Variants in OR2J3 observed in about 807,000 individuals in gnomAD.
The protein encoded by OR2J3 is olfactory receptor family 2 subfamily J member 3.
In OR2J3, 13 loss-of-function variants were observed where a neutral mutation model predicts 18.5. The observed-to-expected ratio is 0.70, with a 90% CI of 0.46 to 1.12. The LOEUF (loss-of-function observed/expected upper bound fraction) is 1.12. OR2J3 is among the 50% of genes most tolerant of loss of function. OR2J3 has a pLI of 0.00. For synonymous variants in OR2J3, 142 were observed against 140.6 expected, an observed-to-expected ratio of 1.01 and a Z score of -0.07; for missense variants, 321 against 371.6, an observed-to-expected ratio of 0.86 and a Z score of 1.12.
rs886149200 is a variant in OR2J3, at chr6:29,113,095, A to G, written c.*269A>G. 2.6e-6 allele frequency: 1 copy of G among 379,078 alleles called. No homozygotes were observed. Among genetic ancestry groups the G allele is most frequent in the Non-Finnish European group, 4.7e-6 (1 of 212,316 alleles). The allele number at this position is 379,078 out of a possible 1,614,324, so 23.5% of individuals were successfully genotyped here. ...TCCATGGTACAAACCTAATGTATCCAAGACAGACATTTCTCGATTGAAAAT... is the reference window on the plus strand; with the variant it reads ...TCCATGGTACAAACCTAATGTATCCGAGACAGACATTTCTCGATTGAAAAT... On this transcript the variant is annotated 3_prime_UTR_variant, in exon 4 of 4. Transcript: ENST00000641151.
In OR2J3 at chr6:29,112,796, G is replaced by A; in HGVS notation, c.906G>A (p.Gly302=). 6.2e-7 allele frequency: 1 copy of A among 1,613,576 alleles called. No individual in the cohort carries two copies. The highest frequency in any genetic ancestry group is 8.5e-7 in the Non-Finnish European group (1 of 1,179,696). ...CCCTCAGAAACAAAGTTGTAAGAGG[G>A]GCAGTGAAGAGACTAATGGGGTGGG... ...IYTLRNKVVR[G]AVKRLMGWE The change falls in exon 4 of 4, where the codon GGG becomes GGA. Residue 302 remains glycine, a synonymous_variant. Transcript: ENST00000641151.
rs770959446 is a variant in OR2J3, at chr6:29,112,790, A to C, written c.900A>C (p.Val300=). 1.4e-5 allele frequency: 22 copies of C among 1,613,544 alleles called. No individual in the cohort carries two copies. The highest frequency in any genetic ancestry group is 1.9e-5 in the Non-Finnish European group (22 of 1,179,546). Residue 300 remains valine (V), a synonymous_variant, in exon 4 of 4, where the codon GTA becomes GTC. Coordinates refer to ENST00000641151, the MANE Select transcript of OR2J3 (RefSeq NM_001005216.4). ...PLIYTLRNKV[V]RGAVKRLMGW... ...TCTACACCCTCAGAAACAAAGTTGT[A>C]AGAGGGGCAGTGAAGAGACTAATGG...
Position 29,112,097 on chromosome 6 carries a change from C to T in OR2J3, c.207C>T (p.Leu69=), listed in dbSNP as rs1180910507. The change falls in exon 4 of 4, where the codon CTC becomes CTT. Residue 69 remains leucine (L), a synonymous_variant. Transcript: ENST00000641151. ...HTPMYFFLSN[L]SFLDLCYTTS... The stretch of plus-strand genomic sequence containing the variant: ...CAATGTACTTCTTCCTTTCAAACCT[C>T]TCATTTCTGGATCTCTGCTACACCA... The T allele has an allele frequency of 2.5e-6, 4 of 1,614,158 alleles. No homozygotes were observed. In the East Asian group the frequency reaches 8.9e-5, roughly 36 times the overall value.
At position 29,112,563 on chromosome 6, in the gene OR2J3, G is replaced by T. The variant is rs758967238; in HGVS notation, c.673G>T (p.Val225Phe). The T allele has an allele frequency of 1.2e-6, 2 of 1,613,980 alleles. No individual in the cohort carries two copies. Among genetic ancestry groups the T allele is most frequent in the Non-Finnish European group, 1.7e-6 (2 of 1,179,962 alleles). ...CATTCTCACTTCTTATGGTGCCATC[G>T]TCCGAGCTATACTGAGGATGCAGTC... ...ILILTSYGAI[V>F]RAILRMQSTT... The change falls in exon 4 of 4, where the codon GTC becomes TTC. Residue 225 changes from valine to phenylalanine, a missense_variant. By Grantham distance (50) the Val-to-Phe change is conservative (BLOSUM62 -1). Coordinates refer to ENST00000641151, the MANE Select transcript of OR2J3 (RefSeq NM_001005216.4).
intron 3 of OR2J3, among the ~76,000 whole-genome samples, chr6:29,111,288 C>T (rs1762117185): frequency 6.6e-6 from 1 of 152,108 alleles, no homozygotes; most frequent in African/African-American, 2.4e-5. Flanking sequence ...CATGTGTCTT[C>T]ATTATTAGAA....
Position 29,113,868 on chromosome 6 carries a change from C to T in OR2J3, c.*1042C>T, listed in dbSNP as rs1388473906. The T allele has an allele frequency of 1.3e-5, 2 of 152,016 alleles. No homozygotes were observed. Among genetic ancestry groups the T allele is most frequent in the African/African-American group, 4.8e-5 (2 of 41,398 alleles). The allele number at this position is 152,016 out of a possible 1,614,324, so 9.4% of individuals were successfully genotyped here. On this transcript the variant is annotated 3_prime_UTR_variant, in exon 4 of 4. Transcript: ENST00000641151. ...ATTTTGTTTTATATATTATTGTCAA[C>T]CATCTTCGTTTGAAATAATTGCGCT...
chr6:29,112,497 A>C lies in OR2J3; in HGVS notation c.607A>C (p.Met203Leu). The change falls in exon 4 of 4, where the codon ATG (methionine) becomes CTG (leucine). Residue 203 changes from methionine to leucine, a missense_variant. Transcript: ENST00000641151. ...TACCCATGTCAATGAGCTGACCCTC[A>C]TGATCACAAGCTCCATATTTGTTCT... ...VDTHVNELTLMITSSIFVLIP... is the reference protein window; with the variant it reads ...VDTHVNELTLLITSSIFVLIP... The C allele has an allele frequency of 6.2e-7, 1 of 1,614,080 alleles. No homozygotes were observed. Among genetic ancestry groups the C allele is most frequent in the Non-Finnish European group, 8.5e-7 (1 of 1,180,016 alleles).
rs1461119745 is a variant in OR2J3 at position 29,113,656 on chromosome 6, A to G, written c.*830A>G. ...AGGCTCTGAAAATGACTTGAAGCCA[A>G]TGGGTGTATGAAAGAATTATGTGAA... On this transcript the variant is annotated 3_prime_UTR_variant, in exon 4 of 4. Transcript: ENST00000641151. 2 of 152,154 alleles carry G rather than the reference A, an allele frequency of 1.3e-5. No homozygotes were observed. Among genetic ancestry groups the G allele is most frequent in the Non-Finnish European group, 2.9e-5 (2 of 68,010 alleles). The allele number at this position is 152,154 out of a possible 1,614,324, so 9.4% of individuals were successfully genotyped here.
intron 3 of OR2J3, chr6:29,109,509 C>G (rs896857536): frequency 3.9e-5 from 6 of 152,124 alleles, no homozygotes; most frequent in African/African-American, 1.4e-4. Context: ...GAGGCAATCA[C>G]AGGTGGCCCC....
chr6:29,112,880 C>A lies in OR2J3; in HGVS notation c.*54C>A, dbSNP rs1762203428. The A allele has an allele frequency of 6.6e-7, 1 of 1,526,624 alleles. No individual in the cohort carries two copies. The highest frequency in any genetic ancestry group is 8.8e-7 in the Non-Finnish European group (1 of 1,140,710). The allele number at this position is 1,526,624 out of a possible 1,614,324, so 94.6% of individuals were successfully genotyped here. A position where few individuals can be genotyped will look rare whatever the true frequency, so the allele number is the denominator to read the frequency against. ...AACAGAGTCTCCCCTCACAATGATT[C>A]ATCCTTCTATTTATTTATCAACCAT... On this transcript the variant is annotated 3_prime_UTR_variant, in exon 4 of 4. Coordinates refer to ENST00000641151, the MANE Select transcript of OR2J3 (RefSeq NM_001005216.4).
At position 29,112,811 on chromosome 6, in the gene OR2J3, A is replaced by T. The variant is rs745385616; in HGVS notation, c.921A>T (p.Leu307=). ...TTGTAAGAGGGGCAGTGAAGAGACTAATGGGGTGGGAATGAGCCTGTGTAT... is the reference window on the plus strand; with the variant it reads ...TTGTAAGAGGGGCAGTGAAGAGACTTATGGGGTGGGAATGAGCCTGTGTAT... ...NKVVRGAVKR[L]MGWE The change falls in exon 4 of 4, where the codon CTA becomes CTT. Residue 307 remains leucine, a synonymous_variant. Coordinates refer to ENST00000641151, the MANE Select transcript of OR2J3 (RefSeq NM_001005216.4). 6.2e-7 allele frequency: 1 copy of T among 1,612,862 alleles called. No homozygotes were observed. Among genetic ancestry groups the T allele is most frequent in the African/African-American group, 1.3e-5 (1 of 74,902 alleles).
chr6:29,113,421 T>C lies in OR2J3; in HGVS notation c.*595T>C, dbSNP rs911258366. The C allele has an allele frequency of 6.6e-6, 1 of 152,428 alleles. No individual in the cohort carries two copies. Among genetic ancestry groups the C allele is most frequent in the African/African-American group, 2.4e-5 (1 of 41,438 alleles). 9.4% of individuals were successfully genotyped at this position (152,428 alleles called of 1,614,324 possible). A position where few individuals can be genotyped will look rare whatever the true frequency, so the allele number is the denominator to read the frequency against. On this transcript the variant is annotated 3_prime_UTR_variant, in exon 4 of 4. Coordinates refer to ENST00000641151, the MANE Select transcript of OR2J3 (RefSeq NM_001005216.4). ...TTTTATGAATTGTAGTAAGAGAGGC[T>C]TTGAAACAGTATAGCAGAAGTCAGC...
Position 29,112,647 on chromosome 6 carries a change from C to G in OR2J3, c.757C>G (p.Leu253Val). ...TCGAHLMAVSLFFIPAMCMYL... is the reference protein window; with the variant it reads ...TCGAHLMAVSVFFIPAMCMYL... ...TGGAGCTCATCTTATGGCTGTATCT[C>G]TCTTTTTCATTCCGGCCATGTGCAT... The change falls in exon 4 of 4, where the codon CTC becomes GTC. Residue 253 changes from leucine to valine, a missense_variant. Transcript: ENST00000641151. 1.2e-6 allele frequency: 2 copies of G among 1,614,074 alleles called. No homozygotes were observed. The highest frequency in any genetic ancestry group is 1.7e-6 in the Non-Finnish European group (2 of 1,180,006).
At position 29,114,577 on chromosome 6, in the gene OR2J3, C is replaced by G. The variant is rs1449354548; in HGVS notation, c.*1751C>G. 1 of 152,022 alleles carries G rather than the reference C, an allele frequency of 6.6e-6. No homozygotes were observed. The highest frequency in any genetic ancestry group is 1.5e-5 in the Non-Finnish European group (1 of 68,006). The allele number at this position is 152,022 out of a possible 1,614,324, so 9.4% of individuals were successfully genotyped here. On this transcript the variant is annotated 3_prime_UTR_variant, in exon 4 of 4. Transcript: ENST00000641151. The stretch of plus-strand genomic sequence containing the variant: ...AATTAACAGATCATTAACTCACATA[C>G]TTACCTGTTTTGTGGTGAGAACATT...
At chr6:29,109,521 C>G (rs959014953) in intron 3 of OR2J3, 4 of 151,954 alleles carry the variant, frequency 2.6e-5, no homozygotes, top group Non-Finnish European at 5.9e-5. Flanking sequence ...GGTGGCCCCA[C>G]AATGATTTCT....
At position 29,108,881 on chromosome 6, in the gene OR2J3, T is replaced by C. The variant is rs1762022546; in HGVS notation, c.-11+6T>C. On this transcript the variant is annotated splice_donor_region_variant and intron_variant, in intron 3 of 3. Transcript: ENST00000641151. Reference sequence around the variant, plus strand: ...CTTTTCCTTGCTTGCATCTGGTAAGTTTTTGTTTGTTTGCTTCTTATCTCA... The same window carrying C: ...CTTTTCCTTGCTTGCATCTGGTAAGCTTTTGTTTGTTTGCTTCTTATCTCA... 1.3e-5 allele frequency: 2 copies of C among 152,140 alleles called. No homozygotes were observed. Among genetic ancestry groups the C allele is most frequent in the South Asian group, 4.1e-4 (2 of 4,828 alleles). The allele number at this position is 152,140 out of a possible 1,614,324, so 9.4% of individuals were successfully genotyped here.
intron 3 of OR2J3, chr6:29,109,704 T>C (rs1762056868): frequency 6.6e-6 from 1 of 152,138 alleles, no homozygotes; most frequent in African/African-American, 2.4e-5. Flanking sequence ...AAAATAAGTA[T>C]CATTTTTTTC....
At chr6:29,111,262 C>A (rs1168361714) in intron 3 of OR2J3, among the ~76,000 whole-genome samples, 7 of 152,128 alleles carry the variant, frequency 4.6e-5, no homozygotes, top group African/African-American at 1.7e-4. Context: ...CTATTTCTCT[C>A]AATTTGAGTT....
chr6:29,109,588 G>A (rs1170856667), intron 3 of OR2J3: 2 of 152,094 alleles, frequency 1.3e-5, no homozygotes, highest in African/African-American at 4.8e-5. Context: ...ACTGTGGAAG[G>A]AATGAAATAG....
Sources: allele counts gnomAD v4.1 joint callset (sites outside exome capture counted in the v4.1 genomes callset), GRCh38; gene constraint gnomAD v4.1.1; transcripts MANE v1.5; gene names NCBI Gene and HGNC (gene_info 2026-07-23, HGNC 2026-07-21).